The following DLEU7 variants were observed in gnomAD, a reference collection of about 807,000 sequenced individuals.
DLEU7 encodes the protein leukemia-associated protein 7.
DLEU7 carries 17 observed loss-of-function variants against 16.0 expected under a neutral mutation model. The observed-to-expected ratio is 1.06, with a 90% CI of 0.73 to 1.59. DLEU7 has a LOEUF of 1.59. DLEU7 is among the 40% of genes most tolerant of loss of function. The pLI, the probability that DLEU7 is intolerant of heterozygous loss-of-function variation, is 0.00. For missense variants in DLEU7, 308 were observed against 314.9 expected (o/e 0.98, Z 0.17); for synonymous variants, 113 against 139.8 (o/e 0.81, Z 1.35).
intron 1 of DLEU7, among the ~76,000 whole-genome samples, chr13:50,776,000 G>A (rs923140333): frequency 2.0e-5 from 3 of 151,930 alleles, no homozygotes; most frequent in Non-Finnish European, 4.4e-5. Flanking sequence ...TTTATTTCTA[G>A]GAAATCTGTT....
intron 1 of DLEU7, among the ~76,000 whole-genome samples, chr13:50,829,579 A>G (rs1328579505): frequency 6.6e-6 from 1 of 152,210 alleles, no homozygotes; most frequent in Admixed American, 6.5e-5. Flanking sequence ...TACATGTACA[A>G]TAAAATTCGA....
At chr13:50,762,801 A>G (rs764967787) in intron 1 of DLEU7, among the ~76,000 whole-genome samples, 4 of 39,528 alleles carry the variant, frequency 1.0e-4, no homozygotes, top group African/African-American at 2.3e-4. Context: ...ATTGTGCTAG[A>G]AAAAAAAAAA....
chr13:50,738,999 A>G (rs1337640987), intron 1 of DLEU7, among the ~76,000 whole-genome samples: 184 of 93,294 alleles, frequency 2.0e-3, no homozygotes, highest in African/African-American at 7.8e-3. Context: ...ACACACACAC[A>G]CACACGCACA....
chr13:50,739,118 A>AT (rs1874175234), intron 1 of DLEU7, among the ~76,000 whole-genome samples: 1 of 151,698 alleles, frequency 6.6e-6, no homozygotes, highest in Non-Finnish European at 1.5e-5. Context: ...CTCTTCCTTT[A>AT]TTTCCTCCTC....
At chr13:50,760,453 G>A (rs929574870) in intron 1 of DLEU7, among the ~76,000 whole-genome samples, 3 of 152,186 alleles carry the variant, frequency 2.0e-5, no homozygotes, top group South Asian at 2.1e-4. Flanking sequence ...CCTCAAACTC[G>A]TGGGCTCAAG....
At chr13:50,764,498 A>G (rs985654043) in intron 1 of DLEU7, among the ~76,000 whole-genome samples, 13 of 152,226 alleles carry the variant, frequency 8.5e-5, no homozygotes, top group African/African-American at 2.9e-4. Flanking sequence ...TGAATTACCA[A>G]TGAGAACGCA....
intron 1 of DLEU7, among the ~76,000 whole-genome samples, chr13:50,790,339 A>T (rs1384532556): frequency 6.6e-6 from 1 of 152,050 alleles, no homozygotes; most frequent in Non-Finnish European, 1.5e-5. Flanking sequence ...AGGGGGAGGG[A>T]GTTGTGTGTG....
At chr13:50,721,343 C>T (rs1012405756) in intron 1 of DLEU7, among the ~76,000 whole-genome samples, 2 of 152,156 alleles carry the variant, frequency 1.3e-5, no homozygotes, top group Non-Finnish European at 2.9e-5. Flanking sequence ...TCCTCCTCAG[C>T]TTGCAGACAG....
intron 1 of DLEU7, among the ~76,000 whole-genome samples, chr13:50,724,150 A>G (rs1465816301): frequency 6.6e-6 from 1 of 152,162 alleles, no homozygotes. Flanking sequence ...CCCATCACTA[A>G]TTGAAGAAAA....
rs1874226702 is a variant in DLEU7, at chr13:50,740,592, G to C, written c.460-27352C>G. ...ACACATGAGCTGAAATCTATTTGCT[G>C]TCCTGGAACAAAGAGGTCCCCAAGC... is the stretch of plus-strand genomic sequence containing the variant. On this transcript the variant is annotated intron_variant, in intron 1 of 1. Transcript: ENST00000400393. Among the ~76,000 whole-genome samples the C allele has an allele frequency of 2.0e-5, 3 of 152,054 alleles. No individual in the cohort carries two copies. In the South Asian group the frequency reaches 6.2e-4, roughly 32 times the overall value.
At chr13:50,766,917 G>T (rs376273066) in intron 1 of DLEU7, among the ~76,000 whole-genome samples, 371 of 151,436 alleles carry the variant, frequency 2.4e-3, no homozygotes, top group African/African-American at 8.6e-3. Flanking sequence ...GAAGACAGCT[G>T]GAGTGGAGAC....
At chr13:50,733,699 C>T (rs2137718877) in intron 1 of DLEU7, among the ~76,000 whole-genome samples, 1 of 152,308 alleles carries the variant, frequency 6.6e-6, no homozygotes, top group African/African-American at 2.4e-5. Flanking sequence ...TAACAATTCT[C>T]CTTCCACAGT....
intron 1 of DLEU7, among the ~76,000 whole-genome samples, chr13:50,725,063 A>G (rs1873730001): frequency 6.7e-6 from 1 of 149,400 alleles, no homozygotes. Flanking sequence ...GACTGTATGT[A>G]TGTAAGCCAA....
At chr13:50,751,080 A>G (rs1004827179) in intron 1 of DLEU7, among the ~76,000 whole-genome samples, 2 of 152,098 alleles carry the variant, frequency 1.3e-5, no homozygotes, top group African/African-American at 4.8e-5. Flanking sequence ...TTTGTCATAG[A>G]CAGTATTACA....
chr13:50,784,709 G>A (rs144543257), intron 1 of DLEU7, among the ~76,000 whole-genome samples: 1 of 152,296 alleles, frequency 6.6e-6, no homozygotes, highest in African/African-American at 2.4e-5. Context: ...GGTGACCTTA[G>A]ACAAGCTGCT....
chr13:50,766,699 C>T (rs919610962), intron 1 of DLEU7, among the ~76,000 whole-genome samples: 5 of 152,176 alleles, frequency 3.3e-5, no homozygotes, highest in African/African-American at 4.8e-5. Context: ...TGAGAAATCC[C>T]TGCACAGCCA....
chr13:50,843,563 C>G lies in DLEU7; in HGVS notation c.84G>C (p.Trp28Cys). Residue 28 changes from tryptophan to cysteine, a missense_variant, in exon 1 of 2, where the codon TGG (tryptophan) becomes TGC (cysteine). Coordinates refer to ENST00000504404, the MANE Select transcript of DLEU7 (RefSeq NM_001306135.2). The surrounding 1 kb of genome is among the most constrained non-coding windows in gnomAD (Gnocchi z 5.7). ...GGGCGACTGGACCGTCCCCCCAGCC[C>G]CACTCCTGCTGCAGCAGCTGCAAGG... ...LQTLQLLQQE[W>C]GWGDGPVAPG... is the part of the protein sequence containing the mutation. The G allele has an allele frequency of 6.7e-7, 1 of 1,488,862 alleles. No individual in the cohort carries two copies. 92.2% of individuals were successfully genotyped at this position (1,488,862 alleles called of 1,614,324 possible). A position where few individuals can be genotyped will look rare whatever the true frequency, so the allele number is the denominator to read the frequency against.
chr13:50,794,517 C>T (rs1157903310), intron 1 of DLEU7, among the ~76,000 whole-genome samples: 1 of 152,186 alleles, frequency 6.6e-6, no homozygotes, highest in Non-Finnish European at 1.5e-5. Flanking sequence ...GTTCCACTTA[C>T]TACTTCAGGT....
chr13:50,843,116 C>T lies in DLEU7; in HGVS notation c.459+72G>A, dbSNP rs577374814. ...GATCCTGCGATCCACCCATCGCCAT[C>T]CCAGCAGCCCCACCCTTGGAGGATG... is the stretch of plus-strand genomic sequence containing the variant. On this transcript the variant is annotated intron_variant, in intron 1 of 1. Transcript: ENST00000504404. The surrounding 1 kb of genome is among the most constrained non-coding windows in gnomAD (Gnocchi z 5.7). 1.5e-5 allele frequency: 21 copies of T among 1,418,206 alleles called. No homozygotes were observed. Among genetic ancestry groups the T allele is most frequent in the Non-Finnish European group, 3.8e-6 (4 of 1,063,348 alleles). 87.9% of individuals were successfully genotyped at this position (1,418,206 alleles called of 1,614,324 possible). A position where few individuals can be genotyped will look rare whatever the true frequency, so the allele number is the denominator to read the frequency against.
Sources: gnomAD v4.1 joint callset for allele counts (sites outside exome capture counted in the v4.1 genomes callset) on GRCh38, gnomAD v4.1.1 for gene constraint, Gnocchi (gnomAD v3.1) non-coding constraint, MANE v1.5 for transcripts, NCBI Gene and HGNC (gene_info 2026-07-23, HGNC 2026-07-21) for gene names.